CAMK2D: variants seen among roughly 807,000 people sequenced by gnomAD.
CAMK2D encodes the protein calcium/calmodulin-dependent protein kinase type II subunit delta.
CAMK2D carries 37 observed loss-of-function variants against 84.0 expected under a neutral mutation model. The observed-to-expected ratio is 0.44, with a 90% CI of 0.34 to 0.58. The LOEUF (loss-of-function observed/expected upper bound fraction) is 0.58. CAMK2D is among the 20% of genes least tolerant of loss of function. CAMK2D has a pLI of 0.02. For missense variants in CAMK2D, 448 were observed against 652.5 expected (o/e 0.69, Z 3.41); for synonymous variants, 202 against 212.5 (o/e 0.95, Z 0.43).
At chr4:113,668,797 C>A (rs2099267896) in intron 2 of CAMK2D, among the ~76,000 whole-genome samples, 1 of 152,030 alleles carries the variant, frequency 6.6e-6, no homozygotes, top group South Asian at 2.1e-4. Flanking sequence ...ATAGAAAAAA[C>A]TATTATTTGT....
At chr4:113,595,706 C>T (rs1041811113) in intron 4 of CAMK2D, among the ~76,000 whole-genome samples, 1 of 152,138 alleles carries the variant, frequency 6.6e-6, no homozygotes. Flanking sequence ...ATTAAATGTG[C>T]AATAGCGTTA....
chr4:113,712,629 T>G (rs191966651), intron 2 of CAMK2D, among the ~76,000 whole-genome samples: 117 of 152,232 alleles, frequency 7.7e-4, no homozygotes, highest in Middle Eastern at 6.8e-3. Context: ...TTTCTGAAAT[T>G]GTAAAAATGG....
intron 3 of CAMK2D, among the ~76,000 whole-genome samples, chr4:113,627,523 T>C (rs2099072999): frequency 1.3e-5 from 2 of 152,178 alleles, no homozygotes; most frequent in South Asian, 2.1e-4. Context: ...ATACACATTG[T>C]TGATTCATTG....
chr4:113,669,896 G>C (rs1299206179), intron 2 of CAMK2D, among the ~76,000 whole-genome samples: 2 of 152,176 alleles, frequency 1.3e-5, no homozygotes, highest in East Asian at 3.9e-4. Flanking sequence ...CCTGTCCAAA[G>C]GAGGAAATCA....
intron 4 of CAMK2D, among the ~76,000 whole-genome samples, chr4:113,586,280 G>A (rs947531048): frequency 6.6e-6 from 1 of 152,116 alleles, no homozygotes. Context: ...AATGATGTAA[G>A]CCTGGAACTG....
chr4:113,625,352 A>T (rs1386378648), intron 3 of CAMK2D, among the ~76,000 whole-genome samples: 1 of 152,216 alleles, frequency 6.6e-6, no homozygotes. Context: ...GCAAATATGT[A>T]AATATATACA....
At chr4:113,471,008 A>G (rs543444642) in intron 16 of CAMK2D, among the ~76,000 whole-genome samples, 1 of 152,342 alleles carries the variant, frequency 6.6e-6, no homozygotes, top group South Asian at 2.1e-4. Flanking sequence ...TATAAAATTG[A>G]CAAATGGAAA....
intron 2 of CAMK2D, among the ~76,000 whole-genome samples, chr4:113,757,286 G>A (rs1265612697): frequency 1.3e-5 from 2 of 152,036 alleles, no homozygotes; most frequent in Non-Finnish European, 2.9e-5. Context: ...TTCATTGACT[G>A]CATATAGTGG....
chr4:113,721,923 G>GTTC, intron 2 of CAMK2D, among the ~76,000 whole-genome samples: 2 of 152,122 alleles, frequency 1.3e-5, no homozygotes, highest in African/African-American at 4.8e-5. Context: ...AAACCTATTT[G>GTTC]TTCTTCCCAC....
At chr4:113,741,250 A>G (rs1268948911) in intron 2 of CAMK2D, among the ~76,000 whole-genome samples, 1 of 152,176 alleles carries the variant, frequency 6.6e-6, no homozygotes, top group Non-Finnish European at 1.5e-5. Context: ...TCCCCTTAAT[A>G]AGGAAATAAA....
Position 113,454,274 on chromosome 4 carries a change from C to A in CAMK2D, c.*271G>T. On this transcript the variant is annotated 3_prime_UTR_variant, in exon 21 of 21. Transcript: ENST00000511664. ...TTGTGGATTTTTTTTTTTGTCTAATCTCCCCCTATTGTTTTGCCAACAGTA... is the reference window on the plus strand; with the variant it reads ...TTGTGGATTTTTTTTTTTGTCTAATATCCCCCTATTGTTTTGCCAACAGTA... 5 of 325,576 alleles carry A rather than the reference C, an allele frequency of 1.5e-5. No homozygotes were observed. Among genetic ancestry groups the A allele is most frequent in the Non-Finnish European group, 1.7e-5 (3 of 178,338 alleles). 20.2% of individuals were successfully genotyped at this position (325,576 alleles called of 1,614,324 possible).
chr4:113,675,510 C>T (rs2099314613), intron 2 of CAMK2D, among the ~76,000 whole-genome samples: 1 of 152,166 alleles, frequency 6.6e-6, no homozygotes. Context: ...GATGTATCCC[C>T]ATATCAGAGA....
chr4:113,695,060 G>A (rs1194925406), intron 2 of CAMK2D, among the ~76,000 whole-genome samples: 1 of 152,096 alleles, frequency 6.6e-6, no homozygotes, highest in Non-Finnish European at 1.5e-5. Context: ...TAGTCACCAA[G>A]AAGATGCTGT....
chr4:113,667,129 C>T (rs2099260748), intron 2 of CAMK2D, among the ~76,000 whole-genome samples: 1 of 152,146 alleles, frequency 6.6e-6, no homozygotes, highest in African/African-American at 2.4e-5. Context: ...GAAGATAATA[C>T]TAAATGTACC....
In CAMK2D at chr4:113,759,366, T is replaced by C; in HGVS notation, c.114A>G (p.Gln38=). ...TGTTGATAATTTTGGCAGCATATTC[T>C]TGTCCAGTAGGAATTTTCATACATC... ...VRRCMKIPTG[Q]EYAAKIINTK... Residue 38 remains glutamine, a synonymous_variant, in exon 2 of 21, where the codon CAA becomes CAG. Transcript: ENST00000511664. The C allele has an allele frequency of 1.2e-6, 2 of 1,609,034 alleles. No homozygotes were observed. The highest frequency in any genetic ancestry group is 1.7e-6 in the Non-Finnish European group (2 of 1,177,132).
intron 7 of CAMK2D, 28 bp downstream of exon 7, chr4:113,537,313 G>C (rs367806652): frequency 1.7e-5 from 20 of 1,159,478 alleles, no homozygotes; most frequent in Non-Finnish European, 2.5e-5. Context: ...AAGACTATAG[G>C]TAGCATGAAG....
chr4:113,506,690 C>T (rs781256094), intron 13 of CAMK2D, among the ~76,000 whole-genome samples: 6 of 152,154 alleles, frequency 3.9e-5, no homozygotes, highest in Non-Finnish European at 5.9e-5. Flanking sequence ...GGTTAAAGCA[C>T]CACATGTATT....
chr4:113,500,469 C>T lies in CAMK2D; in HGVS notation c.1129G>A (p.Val377Met), dbSNP rs1443424119. The change falls in exon 16 of 21, where the codon GTG (valine) becomes ATG (methionine). Residue 377 changes from valine (V) to methionine (M), a missense_variant. Coordinates refer to ENST00000511664, the MANE Select transcript of CAMK2D (RefSeq NM_001321571.2). The stretch of plus-strand genomic sequence containing the variant: ...ATTTCTGGTTAAATCATACCTTTCA[C>T]ATCTTCATCCTCAATTGTTGTATTT... ...SSNTTIEDED[V>M]KARKQEIIKV... 1.9e-6 allele frequency: 3 copies of T among 1,590,776 alleles called. No homozygotes were observed. Among genetic ancestry groups the T allele is most frequent in the Admixed American group, 1.7e-5 (1 of 58,880 alleles).
intron 4 of CAMK2D, among the ~76,000 whole-genome samples, chr4:113,604,470 A>G (rs1408607213): frequency 5.9e-5 from 9 of 152,034 alleles, no homozygotes; most frequent in Non-Finnish European, 8.8e-5. Flanking sequence ...TAGTTTATTA[A>G]TCTCATTTAC....
Sources: allele counts gnomAD v4.1 joint callset (sites outside exome capture counted in the v4.1 genomes callset), GRCh38; gene constraint gnomAD v4.1.1; transcripts MANE v1.5; gene names NCBI Gene and HGNC (gene_info 2026-07-23, HGNC 2026-07-21).